KCNH8: variants seen among roughly 807,000 people sequenced by gnomAD.
The protein encoded by KCNH8 is potassium voltage-gated channel subfamily H member 8.
A neutral mutation model predicts 103.6 loss-of-function variants in KCNH8; 70 were observed. The observed-to-expected ratio is 0.68, with a 90% CI of 0.56 to 0.82. The LOEUF is 0.82. Ranked by LOEUF, KCNH8 falls within the 40% of genes least tolerant of loss-of-function variation. KCNH8 has a pLI of 0.00. For missense variants in KCNH8, 1,217 were observed against 1,329.9 expected (o/e 0.92, Z 1.32); for synonymous variants, 498 against 489.4 (o/e 1.02, Z -0.23).
At chr3:19,213,724 C>T (rs57356545) in intron 1 of KCNH8, among the ~76,000 whole-genome samples, 19,018 of 152,126 alleles carry the variant, frequency 0.13, 3,908 homozygotes, top group African/African-American at 0.43. Flanking sequence ...CCTTTAAGTA[C>T]TTCCCCTTTA....
chr3:19,366,724 G>A (rs1203723921), intron 5 of KCNH8, among the ~76,000 whole-genome samples: 1 of 151,830 alleles, frequency 6.6e-6, no homozygotes, highest in Admixed American at 6.6e-5. Flanking sequence ...TATTCACATG[G>A]TTTGTATTTT....
In KCNH8 at chr3:19,235,623, C is replaced by T. The variant is rs549018736; in HGVS notation, c.77-18031C>T. Among the ~76,000 whole-genome samples the T allele has an allele frequency of 1.8e-4, 27 of 152,178 alleles. No homozygotes were observed. In the South Asian group the frequency reaches 5.2e-3, roughly 29 times the overall value. On this transcript the variant is annotated intron_variant, in intron 1 of 15. Transcript: ENST00000328405. Reference sequence around the variant, plus strand: ...TTTATGTCTGAATACTTAAGAATAACGATATAACAATGATCATCTATGTAA... The same window carrying T: ...TTTATGTCTGAATACTTAAGAATAATGATATAACAATGATCATCTATGTAA...
At chr3:19,259,876 G>C (rs939768521) in intron 2 of KCNH8, among the ~76,000 whole-genome samples, 1 of 151,650 alleles carries the variant, frequency 6.6e-6, no homozygotes, top group Non-Finnish European at 1.5e-5. Context: ...CCTCCAAAGG[G>C]GGAACCTCTA....
At chr3:19,478,184 G>T (rs899123710) in intron 11 of KCNH8, among the ~76,000 whole-genome samples, 1 of 151,840 alleles carries the variant, frequency 6.6e-6, no homozygotes, top group Non-Finnish European at 1.5e-5. Flanking sequence ...CCACTGATGG[G>T]CCTATGAATT....
At chr3:19,523,505 A>T (rs566887166) in intron 15 of KCNH8, among the ~76,000 whole-genome samples, 2 of 152,076 alleles carry the variant, frequency 1.3e-5, no homozygotes, top group Admixed American at 1.3e-4. Context: ...AAATTGATTA[A>T]AATTTATTTC....
intron 2 of KCNH8, among the ~76,000 whole-genome samples, chr3:19,256,373 C>T (rs2064346200): frequency 6.6e-6 from 1 of 152,042 alleles, no homozygotes; most frequent in Non-Finnish European, 1.5e-5. Flanking sequence ...ATAAGGCCTA[C>T]ATAGCAAATA....
intron 5 of KCNH8, among the ~76,000 whole-genome samples, chr3:19,354,622 C>A (rs1157758735): frequency 6.6e-6 from 1 of 152,078 alleles, no homozygotes; most frequent in African/African-American, 2.4e-5. Context: ...GAAAAACAAG[C>A]AATGGGGAAA....
At chr3:19,452,258 G>A (rs2067460177) in intron 10 of KCNH8, among the ~76,000 whole-genome samples, 1 of 152,056 alleles carries the variant, frequency 6.6e-6, no homozygotes, top group Non-Finnish European at 1.5e-5. Flanking sequence ...GGTGGCAGGA[G>A]CCTGTAGTTC....
intron 5 of KCNH8, 137 bp from the exon 6 acceptor site, chr3:19,390,344 A>C: frequency 1.5e-6 from 1 of 651,124 alleles, no homozygotes. Context: ...ATTTTCTACG[A>C]TTTTCTTCCT....
At chr3:19,453,272 G>A (rs2125185796) in intron 10 of KCNH8, among the ~76,000 whole-genome samples, 1 of 152,156 alleles carries the variant, frequency 6.6e-6, no homozygotes, top group East Asian at 1.9e-4. Context: ...TCAAGTGATG[G>A]TTACACTGAA....
chr3:19,239,504 A>G (rs752647252), intron 1 of KCNH8, among the ~76,000 whole-genome samples: 52 of 152,224 alleles, frequency 3.4e-4, no homozygotes, highest in Non-Finnish European at 6.0e-4. Context: ...TGGCCACATA[A>G]TGGCAAGTGA....
At chr3:19,451,075 G>A (rs1389517277) in intron 9 of KCNH8, 80 bp from the exon 10 acceptor site, 3 of 1,337,930 alleles carry the variant, frequency 2.2e-6, no homozygotes, top group South Asian at 2.5e-5. Flanking sequence ...AGTAGGAAGA[G>A]CATCCCTGCT....
rs67333323 is a variant in KCNH8 at position 19,343,985 on chromosome 3, AT to A, written c.570+1285del. Reference sequence around the variant, plus strand: ...CATGTACCACTGTGGTCACGCTTTGATTTTTTTTTTTTTTGGTCCTAATTCA... The same window carrying A: ...CATGTACCACTGTGGTCACGCTTTGATTTTTTTTTTTTTGGTCCTAATTCA... On this transcript the variant is annotated intron_variant, in intron 4 of 15. Transcript: ENST00000328405. 1.7e-3 allele frequency among the ~76,000 whole-genome samples: 253 copies of A among 145,010 alleles called. 1 individual carries two copies. The highest frequency in any genetic ancestry group is 4.9e-3 in the African/African-American group (193 of 39,156).
intron 1 of KCNH8, among the ~76,000 whole-genome samples, chr3:19,251,287 T>C (rs2064274257): frequency 6.6e-6 from 1 of 151,906 alleles, no homozygotes; most frequent in East Asian, 1.9e-4. Context: ...TTCTGCAAAG[T>C]GTGAGAGAAT....
intron 5 of KCNH8, among the ~76,000 whole-genome samples, chr3:19,367,621 A>G (rs558324256): frequency 1.3e-5 from 2 of 151,884 alleles, no homozygotes; most frequent in South Asian, 4.2e-4. Flanking sequence ...AGCACTAAAC[A>G]TATGTCTCCT....
chr3:19,213,922 C>T lies in KCNH8; in HGVS notation c.77-39732C>T, dbSNP rs2063794224. Among the ~76,000 whole-genome samples the T allele has an allele frequency of 2.0e-5, 3 of 152,290 alleles. No individual in the cohort carries two copies. The South Asian group carries it at 6.2e-4, about 32-fold the overall frequency. Reference sequence around the variant, plus strand: ...CTGCAAGCCTGCAGCTTCAGCATGGCCATAGTCTCTCCTCAGCCTTCTTGA... The same window carrying T: ...CTGCAAGCCTGCAGCTTCAGCATGGTCATAGTCTCTCCTCAGCCTTCTTGA... On this transcript the variant is annotated intron_variant, in intron 1 of 15. Coordinates refer to ENST00000328405, the MANE Select transcript of KCNH8 (RefSeq NM_144633.3).
At chr3:19,232,723 G>A (rs1301762838) in intron 1 of KCNH8, among the ~76,000 whole-genome samples, 1 of 152,158 alleles carries the variant, frequency 6.6e-6, no homozygotes, top group Non-Finnish European at 1.5e-5. Flanking sequence ...AAGGATGAGT[G>A]TATGAGAATT....
At chr3:19,230,721 G>T (rs976600459) in intron 1 of KCNH8, among the ~76,000 whole-genome samples, 3 of 151,704 alleles carry the variant, frequency 2.0e-5, no homozygotes, top group East Asian at 1.9e-4. Flanking sequence ...CAGATGGTTT[G>T]CACTTAAAAA....
chr3:19,528,096 G>A (rs1449257668), intron 15 of KCNH8, among the ~76,000 whole-genome samples: 2 of 151,408 alleles, frequency 1.3e-5, no homozygotes, highest in Admixed American at 6.6e-5. Context: ...GGAGAAGGGG[G>A]AAGAAGAAAA....
Sources: allele counts gnomAD v4.1 joint callset (sites outside exome capture counted in the v4.1 genomes callset), GRCh38; gene constraint gnomAD v4.1.1; transcripts MANE v1.5; gene names NCBI Gene and HGNC (gene_info 2026-07-23, HGNC 2026-07-21).